NDUFAB1: variants seen among roughly 807,000 people sequenced by gnomAD.
NDUFAB1 encodes the protein acyl carrier protein, mitochondrial.
In NDUFAB1, 5 loss-of-function variants were observed where a neutral mutation model predicts 16.1. The ratio of observed to expected loss-of-function variants is 0.31; its 90% CI spans 0.16 to 0.65. The LOEUF (loss-of-function observed/expected upper bound fraction) is 0.65. Ranked by LOEUF, NDUFAB1 falls within the 30% of genes least tolerant of loss-of-function variation. The probability of loss-of-function intolerance (pLI) is 0.77; values close to 1 mark genes in which losing one functional copy is unlikely to be tolerated. For missense variants in NDUFAB1, 187 were observed against 205.3 expected, an observed-to-expected ratio of 0.91 and a Z score of 0.54; for synonymous variants, 85 against 78.4, an observed-to-expected ratio of 1.08 and a Z score of -0.44.
chr16:23,595,356 T>TAC, intron 1 of NDUFAB1: 1 of 355,064 alleles, frequency 2.8e-6, no homozygotes, highest in South Asian at 2.1e-5. Flanking sequence ...ATACTACAGG[T>TAC]ACAGTCGTTC....
intron 1 of NDUFAB1, among the ~76,000 whole-genome samples, chr16:23,589,498 A>C (rs559901204): frequency 6.6e-6 from 1 of 152,306 alleles, no homozygotes; most frequent in East Asian, 1.9e-4. Context: ...CTACTTAACA[A>C]TGACTCAAAT....
chr16:23,595,477 CCTT>C (rs1261243287), intron 1 of NDUFAB1: 3 of 429,600 alleles, frequency 7.0e-6, no homozygotes, highest in Non-Finnish European at 9.4e-6. Context: ...AGCCTGCCCT[CCTT>C]ATACGCGGGG....
intron 1 of NDUFAB1, among the ~76,000 whole-genome samples, chr16:23,588,484 C>A (rs925236734): frequency 1.3e-5 from 2 of 151,984 alleles, no homozygotes; most frequent in Non-Finnish European, 2.9e-5. Flanking sequence ...AATCCCTAAT[C>A]TAAATTGGTT....
intron 3 of NDUFAB1, among the ~76,000 whole-genome samples, chr16:23,583,226 G>A (rs1966198313): frequency 1.3e-5 from 2 of 152,214 alleles, no homozygotes; most frequent in Non-Finnish European, 2.9e-5. Flanking sequence ...TGCAGCCTCT[G>A]CCTGGCCGCC....
intron 3 of NDUFAB1, among the ~76,000 whole-genome samples, chr16:23,584,736 G>T (rs1966218977): frequency 6.6e-6 from 1 of 152,190 alleles, no homozygotes; most frequent in African/African-American, 2.4e-5. Flanking sequence ...TTCCATCCTA[G>T]TCAGCATCAT....
In NDUFAB1 at chr16:23,589,914, C is replaced by T. The variant is rs559701257; in HGVS notation, c.169-2595G>A. Among the ~76,000 whole-genome samples, 20 of 127,002 alleles carry T rather than the reference C, an allele frequency of 1.6e-4. 1 individual carries two copies. The highest frequency in any genetic ancestry group is 4.1e-4 in the African/African-American group (14 of 33,820). 83.3% of individuals were successfully genotyped at this position (127,002 alleles called of 152,430 possible). A position where few individuals can be genotyped will look rare whatever the true frequency, so the allele number is the denominator to read the frequency against. ...TCATGGCTCTACACTCCAGCCTGGG[C>T]GGCAGGGTGAGACTCTGTCTCCAAA... On this transcript the variant is annotated intron_variant, in intron 1 of 4. Coordinates refer to ENST00000007516, the MANE Select transcript of NDUFAB1 (RefSeq NM_005003.3).
At chr16:23,586,436 A>C (rs1597053924) in intron 2 of NDUFAB1, among the ~76,000 whole-genome samples, 1 of 151,798 alleles carries the variant, frequency 6.6e-6, no homozygotes, top group Non-Finnish European at 1.5e-5. Flanking sequence ...CCCGGGTTCA[A>C]GCAATTCTCT....
At chr16:23,589,791 C>T (rs1261534426) in intron 1 of NDUFAB1, among the ~76,000 whole-genome samples, 1 of 151,804 alleles carries the variant, frequency 6.6e-6, no homozygotes, top group Non-Finnish European at 1.5e-5. Context: ...CAAAAATTAG[C>T]CGGGCATCGT....
At chr16:23,587,743 G>A (rs1966245825) in intron 1 of NDUFAB1, among the ~76,000 whole-genome samples, 1 of 152,270 alleles carries the variant, frequency 6.6e-6, no homozygotes, top group African/African-American at 2.4e-5. Flanking sequence ...GGAAAGAGCT[G>A]TCATGGTAAA....
chr16:23,582,159 T>C (rs1966184749), intron 4 of NDUFAB1, 117 bp downstream of exon 4: 4 of 1,262,224 alleles, frequency 3.2e-6, no homozygotes, highest in Non-Finnish European at 2.1e-6. Context: ...GCTTGCATTT[T>C]ATAAGTAGTG....
In NDUFAB1 at chr16:23,596,253, A is replaced by G; in HGVS notation, c.38T>C (p.Leu13Pro). Reference protein sequence around the residue: ...SRVLSAYVSRLPAAFAPLPRV... With the variant: ...SRVLSAYVSRPPAAFAPLPRV... The stretch of plus-strand genomic sequence containing the variant: ...GGGCAGCGGCGCAAAGGCCGCGGGC[A>G]GGCGGCTGACATAGGCTGAAAGGAC... The change falls in exon 1 of 5, where the codon CTG becomes CCG. Residue 13 changes from leucine (L) to proline (P), a missense_variant. Coordinates refer to ENST00000007516, the MANE Select transcript of NDUFAB1 (RefSeq NM_005003.3). The G allele has an allele frequency of 6.3e-7, 1 of 1,597,466 alleles. No homozygotes were observed.
chr16:23,585,808 A>G (rs1272099056), intron 2 of NDUFAB1, among the ~76,000 whole-genome samples: 1 of 152,188 alleles, frequency 6.6e-6, no homozygotes, highest in African/African-American at 2.4e-5. Context: ...TTTAACATAC[A>G]GAGGCTATAA....
intron 1 of NDUFAB1, among the ~76,000 whole-genome samples, chr16:23,590,014 C>A (rs1348793218): frequency 1.3e-5 from 2 of 150,664 alleles, no homozygotes; most frequent in East Asian, 3.9e-4. Flanking sequence ...AATCCCAACA[C>A]TTTGGGAGGC....
intron 3 of NDUFAB1, among the ~76,000 whole-genome samples, chr16:23,583,655 G>T (rs1419317886): frequency 8.2e-6 from 1 of 122,494 alleles, no homozygotes; most frequent in African/African-American, 3.5e-5. Flanking sequence ...CCCTCCGCCC[G>T]GCAGCCGCCC....
intron 1 of NDUFAB1, among the ~76,000 whole-genome samples, chr16:23,588,962 G>C (rs1290816629): frequency 6.6e-6 from 1 of 151,960 alleles, no homozygotes; most frequent in Non-Finnish European, 1.5e-5. Flanking sequence ...GCCACAGAGC[G>C]AGACTCTGTC....
intron 3 of NDUFAB1, among the ~76,000 whole-genome samples, chr16:23,583,374 C>T (rs1384940701): frequency 1.3e-5 from 2 of 151,698 alleles, no homozygotes; most frequent in Non-Finnish European, 2.9e-5. Flanking sequence ...ATGTGGGGAG[C>T]GCCTCTGCCC....
chr16:23,595,525 GA>G (rs141074969), intron 1 of NDUFAB1: 2 of 454,156 alleles, frequency 4.4e-6, no homozygotes. Flanking sequence ...GCGTTTGGTT[GA>G]AAAAAAATCC....
chr16:23,581,429 C>A (rs1057025197), intron 4 of NDUFAB1, among the ~76,000 whole-genome samples: 12 of 151,786 alleles, frequency 7.9e-5, no homozygotes, highest in African/African-American at 2.9e-4. Context: ...GCCTGTAATC[C>A]CAGTTACTCA....
At chr16:23,591,891 TGGGAACTTTACCTGTGTGCCAA>T (rs1966283399) in intron 1 of NDUFAB1, among the ~76,000 whole-genome samples, 1 of 152,212 alleles carries the variant, frequency 6.6e-6, no homozygotes, top group South Asian at 2.1e-4. Context: ...CTCAGAAGCC[TGGGAACTTTACCTGTGTGCCAA>T]GAACTGTGCA....
Sources: allele counts gnomAD v4.1 joint callset (sites outside exome capture counted in the v4.1 genomes callset), GRCh38; gene constraint gnomAD v4.1.1; transcripts MANE v1.5; gene names NCBI Gene and HGNC (gene_info 2026-07-23, HGNC 2026-07-21).